Variants in ZNF385D observed in about 807,000 individuals in gnomAD.
ZNF385D encodes zinc finger protein 385D.
In ZNF385D, 15 loss-of-function variants were observed where a neutral mutation model predicts 35.8. The observed-to-expected ratio is 0.42, with a 90% confidence interval of 0.28 to 0.64. ZNF385D has a LOEUF of 0.64. ZNF385D is among the 30% of genes least tolerant of loss of function. The pLI is 0.23. For synonymous variants in ZNF385D, 212 were observed against 186.8 expected, an observed-to-expected ratio of 1.13 and a Z score of -1.10; for missense variants, 474 against 494.6, an observed-to-expected ratio of 0.96 and a Z score of 0.39.
At chr3:22,346,546 C>A (rs189247277) in intron 2 of ZNF385D, among the ~76,000 whole-genome samples, 1 of 152,250 alleles carries the variant, frequency 6.6e-6, no homozygotes, top group East Asian at 1.9e-4. Context: ...AAGAAGAAAA[C>A]TAAAGTTTAA....
At chr3:21,986,683 T>G (rs2125384390) in intron 3 of ZNF385D, among the ~76,000 whole-genome samples, 1 of 140,830 alleles carries the variant, frequency 7.1e-6, no homozygotes, top group East Asian at 2.0e-4. Context: ...GTCTATTAGG[T>G]CCGCTTGGTG....
At chr3:22,215,730 ATC>A in intron 2 of ZNF385D, among the ~76,000 whole-genome samples, 1 of 151,970 alleles carries the variant, frequency 6.6e-6, no homozygotes, top group Middle Eastern at 3.4e-3. Context: ...GAAGCATGTG[ATC>A]TCTGTGACCC....
chr3:21,427,084 CG>C (rs1205167893), intron 5 of ZNF385D, among the ~76,000 whole-genome samples: 1 of 152,110 alleles, frequency 6.6e-6, no homozygotes. Flanking sequence ...TGATGCTTCA[CG>C]GGAGCTTATT....
At chr3:21,634,454 T>A (rs73138811) in intron 2 of ZNF385D, among the ~76,000 whole-genome samples, 2,726 of 152,116 alleles carry the variant, frequency 0.018, 82 homozygotes, top group African/African-American at 0.062. Context: ...AGCCATAAAA[T>A]GTATTACAAA....
intron 3 of ZNF385D, among the ~76,000 whole-genome samples, chr3:21,815,566 A>T (rs1273854481): frequency 6.6e-6 from 1 of 152,212 alleles, no homozygotes; most frequent in African/African-American, 2.4e-5. Context: ...CCACAAATAA[A>T]CTAGCAAATC....
intron 3 of ZNF385D, among the ~76,000 whole-genome samples, chr3:21,955,664 G>C (rs1407689480): frequency 6.6e-6 from 1 of 152,114 alleles, no homozygotes; most frequent in Non-Finnish European, 1.5e-5. Flanking sequence ...CTGCTGCATA[G>C]ATTCAGCCTG....
At chr3:21,762,429 T>A (rs2070659993) in intron 3 of ZNF385D, among the ~76,000 whole-genome samples, 1 of 152,144 alleles carries the variant, frequency 6.6e-6, no homozygotes, top group Non-Finnish European at 1.5e-5. Context: ...AGTGATCCAC[T>A]CATGGCACCT....
chr3:22,371,755 C>T (rs375599193), intron 2 of ZNF385D, among the ~76,000 whole-genome samples: 26 of 152,278 alleles, frequency 1.7e-4, no homozygotes, highest in Admixed American at 5.2e-4. Context: ...AAAAGAGGCA[C>T]TAGCTGGCCA....
At chr3:21,424,315 A>ATTTT (rs200706419) in intron 6 of ZNF385D, among the ~76,000 whole-genome samples, 1 of 47,066 alleles carries the variant, frequency 2.1e-5, no homozygotes, top group East Asian at 6.9e-4. Context: ...ATATATATAT[A>ATTTT]TATTTTTTTT....
At chr3:22,328,984 G>A (rs560245006) in intron 2 of ZNF385D, among the ~76,000 whole-genome samples, 30 of 150,220 alleles carry the variant, frequency 2.0e-4, no homozygotes, top group African/African-American at 7.1e-4. Flanking sequence ...GGCTGAGGCA[G>A]GAGAATGGCG....
chr3:22,357,733 C>A (rs1696221021), intron 2 of ZNF385D, among the ~76,000 whole-genome samples: 1 of 151,832 alleles, frequency 6.6e-6, no homozygotes, highest in South Asian at 2.1e-4. Context: ...CTGTTTGTCT[C>A]TGACAAGAAA....
chr3:22,275,301 T>A (rs1389055165), intron 2 of ZNF385D, among the ~76,000 whole-genome samples: 1 of 152,084 alleles, frequency 6.6e-6, no homozygotes, highest in Non-Finnish European at 1.5e-5. Flanking sequence ...GTCTAACTAG[T>A]CCCTTACTTC....
At chr3:22,285,201 G>T (rs942130251) in intron 2 of ZNF385D, among the ~76,000 whole-genome samples, 2 of 152,022 alleles carry the variant, frequency 1.3e-5, no homozygotes, top group Admixed American at 6.6e-5. Flanking sequence ...CTTCAAACAG[G>T]TTACTCTGTA....
At chr3:21,618,681 G>A (rs1489627666) in intron 2 of ZNF385D, among the ~76,000 whole-genome samples, 1 of 152,068 alleles carries the variant, frequency 6.6e-6, no homozygotes, top group African/African-American at 2.4e-5. Flanking sequence ...TATAAATTGG[G>A]AAACACTGGC....
chr3:22,033,685 C>A (rs1209642000), intron 3 of ZNF385D, among the ~76,000 whole-genome samples: 2 of 152,004 alleles, frequency 1.3e-5, no homozygotes, highest in East Asian at 3.9e-4. Flanking sequence ...ATAACAAGAA[C>A]AATGTCTACT....
At chr3:22,319,631 T>C (rs533693420) in intron 2 of ZNF385D, among the ~76,000 whole-genome samples, 1 of 152,236 alleles carries the variant, frequency 6.6e-6, no homozygotes, top group African/African-American at 2.4e-5. Context: ...GGCTCTAGTT[T>C]GTGAATCCCT....
At chr3:21,514,843 A>T (rs1707457396) in intron 3 of ZNF385D, among the ~76,000 whole-genome samples, 3 of 152,114 alleles carry the variant, frequency 2.0e-5, no homozygotes, top group South Asian at 4.1e-4. Flanking sequence ...TTTTCTTTTA[A>T]CACTTTAAAT....
intron 2 of ZNF385D, among the ~76,000 whole-genome samples, chr3:22,173,188 A>G (rs1694583864): frequency 1.3e-5 from 2 of 152,236 alleles, no homozygotes; most frequent in Non-Finnish European, 2.9e-5. Flanking sequence ...AGTCTGAGAA[A>G]TTGTTACAGC....
At position 21,414,043 on chromosome 3, in the gene ZNF385D, C is replaced by A. The variant is rs115119610; in HGVS notation, c.*7171G>T. The A allele has an allele frequency of 7.1e-3, 1,081 of 152,100 alleles. 15 individuals carry two copies. The highest frequency in any genetic ancestry group is 0.025 in the African/African-American group (1,024 of 41,486). The allele number at this position is 152,100 out of a possible 1,614,324, so 9.4% of individuals were successfully genotyped here. A position where few individuals can be genotyped will look rare whatever the true frequency, so the allele number is the denominator to read the frequency against. On this transcript the variant is annotated 3_prime_UTR_variant, in exon 8 of 8. Transcript: ENST00000281523. ...ACACTAAATTTTCCCCGACTGACCA[C>A]TCTTGGTAGTCGATTTAAAATTTGT...
Sources: gnomAD v4.1 joint callset for allele counts (sites outside exome capture counted in the v4.1 genomes callset) on GRCh38, gnomAD v4.1.1 for gene constraint, MANE v1.5 for transcripts, NCBI Gene and HGNC (gene_info 2026-07-23, HGNC 2026-07-21) for gene names.